TP63: variants seen among roughly 807,000 people sequenced by gnomAD.
TP63 encodes the protein tumor protein 63.
TP63 carries 17 observed loss-of-function variants against 82.8 expected under a neutral mutation model. That is an observed-to-expected ratio of 0.21 (90% CI 0.14 to 0.31). TP63 has a LOEUF of 0.31. Ranked by LOEUF, TP63 falls within the 10% of genes least tolerant of loss-of-function variation. The pLI is 1.00. For synonymous variants in TP63, 330 were observed against 321.7 expected, an observed-to-expected ratio of 1.03 and a Z score of -0.28; for missense variants, 648 against 895.3, an observed-to-expected ratio of 0.72 and a Z score of 3.52.
chr3:189,867,611 C>T (rs1431747199), intron 6 of TP63, among the ~76,000 whole-genome samples: 1 of 152,124 alleles, frequency 6.6e-6, no homozygotes, highest in Non-Finnish European at 1.5e-5. Flanking sequence ...AATGTTAAAG[C>T]CTGTCTCACC....
At chr3:189,679,795 T>C (rs144916440) in intron 1 of TP63, among the ~76,000 whole-genome samples, 42 of 152,300 alleles carry the variant, frequency 2.8e-4, no homozygotes, top group African/African-American at 1.0e-3. Flanking sequence ...TTGGTATTTA[T>C]ATTTGGCATA....
Position 189,738,700 on chromosome 3 carries a change from G to C in TP63, c.250G>C (p.Gly84Arg). The change falls in exon 3 of 14, where the codon GGT becomes CGT. Residue 84 changes from glycine (G) to arginine (R), a missense_variant. By Grantham distance (125) the Gly-to-Arg change is moderately radical. Coordinates refer to ENST00000264731, the MANE Select transcript of TP63 (RefSeq NM_003722.5). ...CTTTGTGGATGAACCATCAGAAGATGGTGCGACAAACAAGATTGAGATTAG... is the reference window on the plus strand; with the variant it reads ...CTTTGTGGATGAACCATCAGAAGATCGTGCGACAAACAAGATTGAGATTAG... ...LNFVDEPSED[G>R]ATNKIEISMD... 1 of 1,614,130 alleles carries C rather than the reference G, an allele frequency of 6.2e-7. No individual in the cohort carries two copies. The highest frequency in any genetic ancestry group is 8.5e-7 in the Non-Finnish European group (1 of 1,180,008).
intron 1 of TP63, among the ~76,000 whole-genome samples, chr3:189,666,101 C>T (rs1714368657): frequency 6.6e-6 from 1 of 151,908 alleles, no homozygotes; most frequent in African/African-American, 2.4e-5. Context: ...TTACTTAGGC[C>T]TTTCTTAAGT....
intron 1 of TP63, among the ~76,000 whole-genome samples, chr3:189,716,480 G>A (rs553296647): frequency 1.3e-5 from 2 of 152,138 alleles, no homozygotes; most frequent in African/African-American, 2.4e-5. Context: ...TAAAGAGAGA[G>A]AATTTGCCAA....
At position 189,787,632 on chromosome 3, in the gene TP63, G is replaced by A. The variant is rs1001810386; in HGVS notation, c.325-20640G>A. Among the ~76,000 whole-genome samples, 9 of 152,138 alleles carry A rather than the reference G, an allele frequency of 5.9e-5. No homozygotes were observed. The East Asian group carries it at 1.7e-3, about 29-fold the overall frequency. On this transcript the variant is annotated intron_variant, in intron 3 of 13. Transcript: ENST00000264731. ...ATCTTGCTGGGAATCTTTTGACTTC[G>A]TGAAAGGTGAAGTTTGTTTACATTT...
At chr3:189,706,410 C>T (rs145572045) in intron 1 of TP63, among the ~76,000 whole-genome samples, 42 of 152,178 alleles carry the variant, frequency 2.8e-4, no homozygotes, top group African/African-American at 9.9e-4. Flanking sequence ...CACCCACCAC[C>T]ATGCCTGGCT....
intron 3 of TP63, among the ~76,000 whole-genome samples, chr3:189,759,333 T>C (rs1722402626): frequency 6.6e-6 from 1 of 152,158 alleles, no homozygotes; most frequent in African/African-American, 2.4e-5. Flanking sequence ...AATCAAGTGA[T>C]TTAGTATATA....
chr3:189,678,933 ATTATTGTAAGT>A (rs58216856), intron 1 of TP63, among the ~76,000 whole-genome samples: 2,479 of 152,070 alleles, frequency 0.016, 72 homozygotes, highest in African/African-American at 0.056. Context: ...AACGCTACTG[ATTATTGTAAGT>A]TGGTTTTGTA....
intron 3 of TP63, among the ~76,000 whole-genome samples, chr3:189,796,796 T>G (rs1312316125): frequency 6.6e-6 from 1 of 152,096 alleles, no homozygotes; most frequent in Non-Finnish European, 1.5e-5. Flanking sequence ...ACTATTCTTT[T>G]CCATTTTCTG....
intron 1 of TP63, among the ~76,000 whole-genome samples, chr3:189,636,558 A>T (rs1326272845): frequency 6.6e-6 from 1 of 152,132 alleles, no homozygotes; most frequent in African/African-American, 2.4e-5. Flanking sequence ...AACCAATTTT[A>T]CCATAGGCTA....
chr3:189,751,671 G>C (rs970341778), intron 3 of TP63, among the ~76,000 whole-genome samples: 1 of 152,062 alleles, frequency 6.6e-6, no homozygotes, highest in African/African-American at 2.4e-5. Context: ...GGGGTTGTTT[G>C]TTTTTTTCTT....
chr3:189,753,871 A>G (rs1236859217), intron 3 of TP63, among the ~76,000 whole-genome samples: 2 of 152,084 alleles, frequency 1.3e-5, no homozygotes, highest in Non-Finnish European at 2.9e-5. Context: ...GAAATTCATT[A>G]TTTCATAGTC....
chr3:189,684,632 C>CTTTTTTTTTTTTTTTTTTTTTTTT (rs11379017), intron 1 of TP63, among the ~76,000 whole-genome samples: 1 of 134,702 alleles, frequency 7.4e-6, no homozygotes. Flanking sequence ...TTCTTTCTTT[C>CTTTTTTTTTTTTTTTTTTTTTTTT]TTTTTTTTTT....
chr3:189,612,051 TA>T, the TP63 span, among the ~76,000 whole-genome samples: 1 of 152,220 alleles, frequency 6.6e-6, no homozygotes, highest in African/African-American at 2.4e-5. Context: ...ATTTTCTAGA[TA>T]TAGAATCATG....
intron 4 of TP63, among the ~76,000 whole-genome samples, chr3:189,846,917 G>A (rs6774679): frequency 0.14 from 20,591 of 151,438 alleles, 1,680 homozygotes; most frequent in African/African-American, 0.22. Context: ...TGCTGACCTT[G>A]TGATCCACCC....
chr3:189,643,176 T>C (rs1712072682), intron 1 of TP63, among the ~76,000 whole-genome samples: 1 of 152,020 alleles, frequency 6.6e-6, no homozygotes, highest in Non-Finnish European at 1.5e-5. Flanking sequence ...TAATTTTGTA[T>C]TTTTAGTAGA....
intron 3 of TP63, among the ~76,000 whole-genome samples, chr3:189,765,432 G>GTTTTTTTTTTTTTTTTTTTTTTTT (rs1560167431): frequency 1.6e-4 from 1 of 6,182 alleles, no homozygotes; most frequent in Non-Finnish European, 3.7e-4. Context: ...CCTGTCCTCT[G>GTTTTTTTTTTTTTTTTTTTTTTTT]CTTTTTTTTT....
At chr3:189,814,776 T>G (rs1244171866) in intron 4 of TP63, among the ~76,000 whole-genome samples, 2 of 152,180 alleles carry the variant, frequency 1.3e-5, no homozygotes, top group African/African-American at 2.4e-5. Context: ...TCAGCGTTCT[T>G]GCCTGAGTTT....
At chr3:189,884,383 T>C (rs183901827) in intron 10 of TP63, among the ~76,000 whole-genome samples, 15 of 152,346 alleles carry the variant, frequency 9.8e-5, no homozygotes, top group Non-Finnish European at 7.4e-5. Context: ...ATCTATTTCT[T>C]GTCCCCATAA....
Sources: gnomAD v4.1 joint callset for allele counts (sites outside exome capture counted in the v4.1 genomes callset) on GRCh38, gnomAD v4.1.1 for gene constraint, MANE v1.5 for transcripts, NCBI Gene and HGNC (gene_info 2026-07-23, HGNC 2026-07-21) for gene names.